Variants in SRRM3 observed in about 807,000 individuals in gnomAD.
The protein encoded by SRRM3 is serine/arginine repetitive matrix 3.
In SRRM3, 27 loss-of-function variants were observed where a neutral mutation model predicts 66.2. The ratio of observed to expected loss-of-function variants is 0.41; its 90% CI spans 0.30 to 0.56. SRRM3 has a LOEUF of 0.56. Among genes scored for constraint, SRRM3 ranks in the 20% least tolerant of loss-of-function variants. The pLI is 0.32. For missense variants in SRRM3, 918 were observed against 991.9 expected, an observed-to-expected ratio of 0.93 and a Z score of 1.00; for synonymous variants, 391 against 414.9, an observed-to-expected ratio of 0.94 and a Z score of 0.70.
intron 1 of SRRM3, among the ~76,000 whole-genome samples, chr7:76,203,656 C>T (rs59296302): frequency 0.04 from 6,023 of 152,240 alleles, 359 homozygotes; most frequent in African/African-American, 0.13. Context: ...CACAATGCAA[C>T]GGTTGACTCA....
intron 11 of SRRM3, among the ~76,000 whole-genome samples, chr7:76,278,115 G>T (rs1802403564): frequency 6.6e-6 from 1 of 152,196 alleles, no homozygotes; most frequent in African/African-American, 2.4e-5. Context: ...TGGCTGCCTG[G>T]CTGCCTCCTG....
At chr7:76,261,437 G>T (rs781969593) in intron 7 of SRRM3, 23 bp downstream of exon 7, 3 of 1,603,274 alleles carry the variant, frequency 1.9e-6, no homozygotes, top group East Asian at 4.5e-5. Context: ...CCCCCACCCT[G>T]GGGCCTCCTC....
At chr7:76,208,298 C>T (rs1800347744) in intron 1 of SRRM3, among the ~76,000 whole-genome samples, 1 of 152,096 alleles carries the variant, frequency 6.6e-6, no homozygotes, top group South Asian at 2.1e-4. Context: ...ACCTCCAACC[C>T]TTTTTCTCTT....
At chr7:76,284,927 G>A (rs1297632768) in intron 14 of SRRM3, among the ~76,000 whole-genome samples, 1 of 152,130 alleles carries the variant, frequency 6.6e-6, no homozygotes, top group African/African-American at 2.4e-5. Context: ...TGTTCCTTTC[G>A]AGTGACCTGA....
At chr7:76,283,145 G>T (rs1354735032) in intron 14 of SRRM3, 44 bp downstream of exon 14, 2 of 1,361,026 alleles carry the variant, frequency 1.5e-6, no homozygotes, top group Non-Finnish European at 1.9e-6. Context: ...GGCTGGGGCC[G>T]CTGACCCGGA....
chr7:76,252,708 A>C (rs11973658), intron 3 of SRRM3, among the ~76,000 whole-genome samples: 62,036 of 151,904 alleles, frequency 0.41, 16,179 homozygotes, highest in African/African-American at 0.73. Context: ...CTCACCTTAG[A>C]CTCAACGTAT....
chr7:76,261,408 G>T lies in SRRM3; in HGVS notation c.632G>T (p.Arg211Leu). The change falls in exon 7 of 15, where the codon CGA becomes CTA. Residue 211 changes from arginine (R) to leucine (L), a missense_variant. Physicochemically the swap from Arg to Leu is moderately radical, Grantham distance 102 (BLOSUM62 -2). Transcript: ENST00000611745. Reference protein sequence around the residue: ...KKKKSVKKHRRDRSDSGSRRK... With the variant: ...KKKKSVKKHRLDRSDSGSRRK... ...AAGAAGAGTGTGAAGAAGCATCGCC[G>T]AGACAGGTACCCTTGCTGCCCCCAC... 1 of 1,605,108 alleles carries T rather than the reference G, an allele frequency of 6.2e-7. No homozygotes were observed. Among genetic ancestry groups the T allele is most frequent in the Non-Finnish European group, 8.5e-7 (1 of 1,176,778 alleles).
chr7:76,238,186 C>G (rs1324619483), intron 2 of SRRM3, among the ~76,000 whole-genome samples: 1 of 152,228 alleles, frequency 6.6e-6, no homozygotes, highest in East Asian at 1.9e-4. Flanking sequence ...CCACGGTTTA[C>G]TCACCTGGAA....
chr7:76,248,172 C>T lies in SRRM3; in HGVS notation c.234-16C>T. 1 of 1,606,422 alleles carries T rather than the reference C, an allele frequency of 6.2e-7. No individual in the cohort carries two copies. The highest frequency in any genetic ancestry group is 8.5e-7 in the Non-Finnish European group (1 of 1,175,258). ...TCTGGGAGACCAGCCCCTTCACCCTCTCTGTGCCCCTGCAGGTATTCGGAG... is the reference window on the plus strand; with the variant it reads ...TCTGGGAGACCAGCCCCTTCACCCTTTCTGTGCCCCTGCAGGTATTCGGAG... On this transcript the variant is annotated splice_polypyrimidine_tract_variant and intron_variant, in intron 2 of 14. Coordinates refer to ENST00000611745, the MANE Select transcript of SRRM3 (RefSeq NM_001110199.3).
At chr7:76,267,720 G>A in intron 11 of SRRM3, 1 of 347,630 alleles carries the variant, frequency 2.9e-6, no homozygotes, top group Non-Finnish European at 5.1e-6. Flanking sequence ...GTTGACCGCG[G>A]GGCACTGAGT....
chr7:76,277,716 C>CAAAA (rs386353056), intron 11 of SRRM3, among the ~76,000 whole-genome samples: 13 of 102,752 alleles, frequency 1.3e-4, no homozygotes, highest in African/African-American at 2.9e-4. Flanking sequence ...TAAACAACAA[C>CAAAA]AAAAAAAAAA....
intron 14 of SRRM3, 101 bp downstream of exon 14, chr7:76,283,202 G>A: frequency 9.3e-6 from 11 of 1,187,566 alleles, no homozygotes; most frequent in Non-Finnish European, 1.2e-5. Context: ...AGGATCCACT[G>A]AACCTGGCAC....
chr7:76,260,357 G>A (rs1801826640), intron 5 of SRRM3, among the ~76,000 whole-genome samples, 160 bp downstream of exon 5: 1 of 68,852 alleles, frequency 1.5e-5, no homozygotes, highest in African/African-American at 5.8e-5. Flanking sequence ...GGTGCCCTCC[G>A]GGTAACTGAA....
Position 76,230,330 on chromosome 7 carries a change from C to A in SRRM3, c.-39-4698C>A, listed in dbSNP as rs146093011. ...TTACAACAAAATGGGATATTAGCAC[C>A]CACCAGGACAGTGTCACCTTATGAA... On this transcript the variant is annotated intron_variant, in intron 1 of 14. Coordinates refer to ENST00000611745, the MANE Select transcript of SRRM3 (RefSeq NM_001110199.3). 3.2e-3 allele frequency among the ~76,000 whole-genome samples: 492 copies of A among 152,072 alleles called. 3 individuals carry two copies. Among genetic ancestry groups the A allele is most frequent in the African/African-American group, 0.011 (452 of 41,492 alleles).
chr7:76,208,786 G>C (rs1292515810), intron 1 of SRRM3, among the ~76,000 whole-genome samples: 1 of 147,966 alleles, frequency 6.8e-6, no homozygotes, highest in Non-Finnish European at 1.5e-5. Context: ...AGTGAGCTGA[G>C]ATCACGCCAC....
At chr7:76,266,672 A>T (rs1802065440) in intron 10 of SRRM3, among the ~76,000 whole-genome samples, 1 of 133,496 alleles carries the variant, frequency 7.5e-6, no homozygotes, top group Non-Finnish European at 1.5e-5. Flanking sequence ...ATATATATTT[A>T]TATATATAAT....
At chr7:76,265,823 AATATTTATAT>A (rs1434561133) in intron 10 of SRRM3, among the ~76,000 whole-genome samples, 2 of 65,586 alleles carry the variant, frequency 3.0e-5, no homozygotes, top group Non-Finnish European at 4.6e-5. Flanking sequence ...ATATTTAATA[AATATTTATAT>A]ATATATATAT....
intron 1 of SRRM3, among the ~76,000 whole-genome samples, chr7:76,217,410 G>C (rs1469806396): frequency 6.6e-6 from 1 of 152,034 alleles, no homozygotes; most frequent in African/African-American, 2.4e-5. Flanking sequence ...TCAACTTCCC[G>C]AGTAGCTGGA....
intron 11 of SRRM3, among the ~76,000 whole-genome samples, chr7:76,281,041 C>T (rs1378075501): frequency 1.4e-5 from 2 of 146,618 alleles, no homozygotes; most frequent in Non-Finnish European, 3.0e-5. Flanking sequence ...TTGCTCTCTC[C>T]TCTCACCCTC....
Sources: allele counts gnomAD v4.1 joint callset (sites outside exome capture counted in the v4.1 genomes callset), GRCh38; gene constraint gnomAD v4.1.1; transcripts MANE v1.5; gene names NCBI Gene and HGNC (gene_info 2026-07-23, HGNC 2026-07-21).